Variants in ATRNL1 observed in about 807,000 individuals in gnomAD.
The protein encoded by ATRNL1 is attractin like 1.
A neutral mutation model predicts 182.7 loss-of-function variants in ATRNL1; 95 were observed. That is an observed-to-expected ratio of 0.52 (90% confidence interval 0.44 to 0.62). The LOEUF (loss-of-function observed/expected upper bound fraction) is 0.62. Among genes scored for constraint, ATRNL1 ranks in the 20% least tolerant of loss-of-function variants. ATRNL1 has a pLI of 0.00. For synonymous variants in ATRNL1, 576 were observed against 568.3 expected (o/e 1.01, Z -0.19); for missense variants, 1,471 against 1,679.5 (o/e 0.88, Z 2.17).
At chr10:115,939,051 A>G (rs1421934669) in intron 28 of ATRNL1, among the ~76,000 whole-genome samples, 1 of 152,226 alleles carries the variant, frequency 6.6e-6, no homozygotes, top group Non-Finnish European at 1.5e-5. Context: ...GAGGTGATGG[A>G]TATGTTAATT....
intron 9 of ATRNL1, among the ~76,000 whole-genome samples, chr10:115,236,349 A>G (rs1850179103): frequency 6.6e-6 from 1 of 152,184 alleles, no homozygotes; most frequent in Admixed American, 6.5e-5. Flanking sequence ...TCTAAATTGC[A>G]TAATGATGCC....
chr10:115,199,627 C>A (rs1048538698), intron 8 of ATRNL1, among the ~76,000 whole-genome samples: 2 of 151,916 alleles, frequency 1.3e-5, no homozygotes, highest in African/African-American at 2.4e-5. Context: ...ATAAAAATAT[C>A]TTGATATCTG....
intron 24 of ATRNL1, among the ~76,000 whole-genome samples, chr10:115,505,692 T>C (rs1163027195): frequency 1.3e-5 from 2 of 151,836 alleles, no homozygotes; most frequent in African/African-American, 4.8e-5. Flanking sequence ...AAAAATATTT[T>C]GCTCAAAAAA....
intron 7 of ATRNL1, among the ~76,000 whole-genome samples, chr10:115,167,190 G>C (rs945318032): frequency 9.3e-5 from 14 of 150,090 alleles, no homozygotes; most frequent in Non-Finnish European, 1.9e-4. Flanking sequence ...CACCCTAGCT[G>C]AAAGTCCTTT....
At chr10:115,308,283 G>A (rs1311212439) in intron 17 of ATRNL1, among the ~76,000 whole-genome samples, 1 of 152,020 alleles carries the variant, frequency 6.6e-6, no homozygotes, top group Non-Finnish European at 1.5e-5. Context: ...TATATTTTGG[G>A]TAGACAGATA....
chr10:115,857,621 T>A (rs1400984484), intron 28 of ATRNL1, among the ~76,000 whole-genome samples: 2 of 152,218 alleles, frequency 1.3e-5, no homozygotes, highest in Admixed American at 6.5e-5. Flanking sequence ...GGTCCTTCCA[T>A]TTCAGACTTT....
At chr10:115,104,594 G>A (rs782510300) in intron 1 of ATRNL1, among the ~76,000 whole-genome samples, 2 of 152,060 alleles carry the variant, frequency 1.3e-5, no homozygotes, top group Non-Finnish European at 2.9e-5. Context: ...TGTACTTGTG[G>A]GGTATTACTC....
intron 26 of ATRNL1, among the ~76,000 whole-genome samples, chr10:115,663,855 G>C (rs1555038891): frequency 6.6e-6 from 1 of 152,022 alleles, no homozygotes; most frequent in East Asian, 1.9e-4. Flanking sequence ...AATACTTTTA[G>C]CACAGTGGCC....
intron 26 of ATRNL1, among the ~76,000 whole-genome samples, chr10:115,574,372 A>G (rs1854585571): frequency 6.6e-6 from 1 of 151,518 alleles, no homozygotes. Context: ...ATATACACAC[A>G]TGAAGCATGA....
intron 26 of ATRNL1, among the ~76,000 whole-genome samples, chr10:115,559,450 G>GCACGCGTGCGCA (rs142093002): frequency 1.6e-5 from 2 of 128,620 alleles, no homozygotes; most frequent in Admixed American, 7.3e-5. Context: ...GTGTGCGCGC[G>GCACGCGTGCGCA]CGCACGCACG....
At chr10:115,445,519 G>GTA in intron 21 of ATRNL1, among the ~76,000 whole-genome samples, 1 of 144,672 alleles carries the variant, frequency 6.9e-6, no homozygotes, top group African/African-American at 2.7e-5. Context: ...GTGTGTGTGT[G>GTA]TGTGTGTGTG....
At chr10:115,828,061 T>A (rs1555092518) in intron 27 of ATRNL1, among the ~76,000 whole-genome samples, 2 of 152,106 alleles carry the variant, frequency 1.3e-5, no homozygotes, top group Non-Finnish European at 2.9e-5. Flanking sequence ...CTCACGCCTG[T>A]AATCCCAGCA....
chr10:115,117,111 A>G (rs1400217283), intron 1 of ATRNL1, among the ~76,000 whole-genome samples: 2 of 152,016 alleles, frequency 1.3e-5, no homozygotes, highest in South Asian at 4.2e-4. Context: ...TTTATGGGGT[A>G]TGTGGGATAT....
At chr10:115,282,631 G>A (rs1010183251) in intron 14 of ATRNL1, among the ~76,000 whole-genome samples, 2 of 152,036 alleles carry the variant, frequency 1.3e-5, no homozygotes, top group African/African-American at 4.8e-5. Context: ...AAAATTGAAA[G>A]GTAATACAGG....
At chr10:115,422,536 G>A (rs1845694545) in intron 20 of ATRNL1, among the ~76,000 whole-genome samples, 1 of 152,130 alleles carries the variant, frequency 6.6e-6, no homozygotes, top group African/African-American at 2.4e-5. Flanking sequence ...AAAAATAACA[G>A]ATGCTGGCAA....
At chr10:115,777,066 A>C (rs576286527) in intron 27 of ATRNL1, among the ~76,000 whole-genome samples, 1 of 152,228 alleles carries the variant, frequency 6.6e-6, no homozygotes, top group Non-Finnish European at 1.5e-5. Context: ...AGGTGGATTA[A>C]TAAAGGAACA....
intron 24 of ATRNL1, among the ~76,000 whole-genome samples, chr10:115,509,522 C>A (rs1334893676): frequency 6.6e-6 from 1 of 151,914 alleles, no homozygotes; most frequent in Non-Finnish European, 1.5e-5. Flanking sequence ...TTGTGTAGTA[C>A]CCCCTCTTCA....
intron 28 of ATRNL1, among the ~76,000 whole-genome samples, chr10:115,903,503 T>C (rs187951105): frequency 1.3e-5 from 2 of 152,320 alleles, no homozygotes; most frequent in East Asian, 1.9e-4. Context: ...CTTTAATTGC[T>C]TCCTTTCTTA....
chr10:115,244,375 T>G (rs1486181715), intron 10 of ATRNL1, among the ~76,000 whole-genome samples: 1 of 152,144 alleles, frequency 6.6e-6, no homozygotes. Flanking sequence ...GCATGATGGA[T>G]GTAGAAGGCA....
Sources: allele counts gnomAD v4.1 joint callset (sites outside exome capture counted in the v4.1 genomes callset), GRCh38; gene constraint gnomAD v4.1.1; transcripts MANE v1.5; gene names NCBI Gene and HGNC (gene_info 2026-07-23, HGNC 2026-07-21).